The following NKX2-1 variants were observed in gnomAD, a reference collection of about 807,000 sequenced individuals.
NKX2-1 encodes the protein homeobox protein Nkx-2.1.
A neutral mutation model predicts 35.1 loss-of-function variants in NKX2-1; 9 were observed. The ratio of observed to expected loss-of-function variants is 0.26; its 90% confidence interval spans 0.15 to 0.45. The LOEUF is 0.45. Ranked by LOEUF, NKX2-1 falls within the 20% of genes least tolerant of loss-of-function variation. NKX2-1 has a pLI of 1.00. For synonymous variants in NKX2-1, 284 were observed against 269.9 expected (o/e 1.05, Z -0.51); for missense variants, 509 against 589.1 (o/e 0.86, Z 1.41).
In NKX2-1 at chr14:36,517,060, C is replaced by CA. The variant is rs1881053089; in HGVS notation, c.*217_*218insT. On this transcript the variant is annotated 3_prime_UTR_variant, in exon 3 of 3. Coordinates refer to ENST00000354822, the MANE Select transcript of NKX2-1 (RefSeq NM_001079668.3). Reference sequence around the variant, plus strand: ...GATGCGCTTGGTTGTTTTTCATTTTCTTTTTTTAAAAAAAAAAACCCACAA... The same window carrying CA: ...GATGCGCTTGGTTGTTTTTCATTTTCATTTTTTTAAAAAAAAAAACCCACAA... 1.3e-6 allele frequency: 1 copy of CA among 767,864 alleles called. No homozygotes were observed. The highest frequency in any genetic ancestry group is 3.6e-5 in the Admixed American group (1 of 27,612). 47.6% of individuals were successfully genotyped at this position (767,864 alleles called of 1,614,324 possible).
chr14:36,517,117 A>G lies in NKX2-1; in HGVS notation c.*161T>C. On this transcript the variant is annotated 3_prime_UTR_variant, in exon 3 of 3. Coordinates refer to ENST00000354822, the MANE Select transcript of NKX2-1 (RefSeq NM_001079668.3). The stretch of plus-strand genomic sequence containing the variant: ...GGGGGGGAAAAAAAGAAAGACGTCC[A>G]GCAGTTTGGCCTTTGTGGTTTTTTT... 4 of 1,233,770 alleles carry G rather than the reference A, an allele frequency of 3.2e-6. No homozygotes were observed. Among genetic ancestry groups the G allele is most frequent in the Non-Finnish European group, 4.3e-6 (4 of 932,982 alleles). 76.4% of individuals were successfully genotyped at this position (1,233,770 alleles called of 1,614,324 possible).
chr14:36,518,634 C>G (rs1263499534), intron 2 of NKX2-1, among the ~76,000 whole-genome samples: 1 of 152,136 alleles, frequency 6.6e-6, no homozygotes, highest in Non-Finnish European at 1.5e-5. Flanking sequence ...CCTCCTGGCC[C>G]GGTCTAGCCT....
chr14:36,517,042 T>C lies in NKX2-1; in HGVS notation c.*236A>G. 1 of 776,978 alleles carries C rather than the reference T, an allele frequency of 1.3e-6. No homozygotes were observed. Among genetic ancestry groups the C allele is most frequent in the Non-Finnish European group, 1.9e-6 (1 of 513,116 alleles). The allele number at this position is 776,978 out of a possible 1,614,324, so 48.1% of individuals were successfully genotyped here. The stretch of plus-strand genomic sequence containing the variant: ...AAAGATTCCTTGAGATTGGATGCGC[T>C]TGGTTGTTTTTCATTTTCTTTTTTT... On this transcript the variant is annotated 3_prime_UTR_variant, in exon 3 of 3. Transcript: ENST00000354822.
In NKX2-1 at chr14:36,520,114, T is replaced by G; in HGVS notation, c.16A>C (p.Ser6Arg). 1 of 1,613,136 alleles carries G rather than the reference T, an allele frequency of 6.2e-7. No homozygotes were observed. Among genetic ancestry groups the G allele is most frequent in the South Asian group, 1.1e-5 (1 of 91,060 alleles). Residue 6 changes from serine to arginine, a missense_variant, in exon 1 of 3, where the codon AGT (serine) becomes CGT (arginine). This residue lies in a region of NKX2-1 where 271 missense variants were observed against 284.1 expected (regional missense o/e 0.95). Transcript: ENST00000354822. The part of the protein sequence containing the change: MWSGG[S>R]GKARGWEAAA... Reference sequence around the variant, plus strand: ...GCCTCCCAGCCCCGCGCCTTCCCACTGCCTCCGGACCACATCGGGCTTCGC... The same window carrying G: ...GCCTCCCAGCCCCGCGCCTTCCCACGGCCTCCGGACCACATCGGGCTTCGC...
At chr14:36,518,925 G>C (rs1480856278) in intron 2 of NKX2-1, 60 bp downstream of exon 2, 10 of 1,417,294 alleles carry the variant, frequency 7.1e-6, no homozygotes, top group Non-Finnish European at 9.1e-6. Flanking sequence ...CCTTCTGGAC[G>C]GCTCTCGCCG....
At position 36,517,200 on chromosome 14, in the gene NKX2-1, G is replaced by T; in HGVS notation, c.*78C>A. On this transcript the variant is annotated 3_prime_UTR_variant, in exon 3 of 3. Transcript: ENST00000354822. ...GAAAAGTCGAAGCGCGTGGAGCAGCGGTGGATGGTGGTCTGTGTGGCGGGC... is the reference window on the plus strand; with the variant it reads ...GAAAAGTCGAAGCGCGTGGAGCAGCTGTGGATGGTGGTCTGTGTGGCGGGC... 6.4e-7 allele frequency: 1 copy of T among 1,555,538 alleles called. No individual in the cohort carries two copies. The highest frequency in any genetic ancestry group is 2.4e-5 in the East Asian group (1 of 42,208).
chr14:36,518,024 T>A lies in NKX2-1; in HGVS notation c.464-4A>T, dbSNP rs780157161. The A allele has an allele frequency of 1.3e-6, 2 of 1,597,794 alleles. No individual in the cohort carries two copies. On this transcript the variant is annotated splice_polypyrimidine_tract_variant and splice_region_variant and intron_variant, in intron 2 of 2. Transcript: ENST00000354822. ...GCCGGGCCCATGAAGCGGGAGACTGTAAGCGACAAACGCACAGCGTCGGCC... is the reference window on the plus strand; with the variant it reads ...GCCGGGCCCATGAAGCGGGAGACTGAAAGCGACAAACGCACAGCGTCGGCC...
At position 36,519,339 on chromosome 14, in the gene NKX2-1, G is replaced by C; in HGVS notation, c.109C>G (p.His37Asp). The C allele has an allele frequency of 6.2e-7, 1 of 1,613,100 alleles. No homozygotes were observed. Among genetic ancestry groups the C allele is most frequent in the Non-Finnish European group, 8.5e-7 (1 of 1,180,036 alleles). ...TCAGACACTGAGAACGGAGTCGTGT[G>C]CTTTGGACTCATCGACATGATTCGG... ...RRRIMSMSPKHTTPFSVSDIL... is the reference protein window; with the variant it reads ...RRRIMSMSPKDTTPFSVSDIL... Residue 37 changes from histidine (H) to aspartate (D), a missense_variant, in exon 2 of 3, where the codon CAC (histidine) becomes GAC (aspartate). His to Asp is a moderately conservative substitution (Grantham distance 81). This residue lies in a region of NKX2-1 where 271 missense variants were observed against 284.1 expected (regional missense o/e 0.95). Transcript: ENST00000354822.
chr14:36,519,792 A>G, intron 1 of NKX2-1: 1 of 1,407,596 alleles, frequency 7.1e-7, no homozygotes, highest in Non-Finnish European at 9.3e-7. Flanking sequence ...CCCCACCCCC[A>G]TTTTTTGTGG....
Position 36,517,688 on chromosome 14 carries a change from C to A in NKX2-1, c.796G>T (p.Gly266Cys). 1 of 1,568,752 alleles carries A rather than the reference C, an allele frequency of 6.4e-7. No homozygotes were observed. The highest frequency in any genetic ancestry group is 8.6e-7 in the Non-Finnish European group (1 of 1,158,194). ...QQQLQQDSGG[G>C]GGGGGTGCPQ... Reference sequence around the variant, plus strand: ...CACCCGGTGCCCCCGCCGCCCCCGCCGCCGCCGCTGTCCTGCTGCAGTTGC... The same window carrying A: ...CACCCGGTGCCCCCGCCGCCCCCGCAGCCGCCGCTGTCCTGCTGCAGTTGC... The change falls in exon 3 of 3, where the codon GGC becomes TGC. Residue 266 changes from glycine (G) to cysteine (C), a missense_variant. Physicochemically the swap from Gly to Cys is radical, Grantham distance 159. Transcript: ENST00000354822.
rs2139404771 is a variant in NKX2-1 at position 36,517,135 on chromosome 14, G to GT, written c.*142dup. On this transcript the variant is annotated 3_prime_UTR_variant, in exon 3 of 3. Coordinates refer to ENST00000354822, the MANE Select transcript of NKX2-1 (RefSeq NM_001079668.3). ...GACGTCCAGCAGTTTGGCCTTTGTGGTTTTTTTGTTCCTTGGTCTAAACGC... is the reference window on the plus strand; with the variant it reads ...GACGTCCAGCAGTTTGGCCTTTGTGGTTTTTTTTGTTCCTTGGTCTAAACGC... The GT allele has an allele frequency of 9.3e-6, 13 of 1,401,000 alleles. No homozygotes were observed. Among genetic ancestry groups the GT allele is most frequent in the Non-Finnish European group, 1.1e-5 (12 of 1,067,872 alleles). The allele number at this position is 1,401,000 out of a possible 1,614,324, so 86.8% of individuals were successfully genotyped here.
chr14:36,519,650 G>A (rs1194652535), intron 1 of NKX2-1: 12 of 1,525,594 alleles, frequency 7.9e-6, no homozygotes, highest in East Asian at 5.0e-5. Flanking sequence ...CATCTTGCCC[G>A]AGATAATTAG....
chr14:36,520,042 G>C lies in NKX2-1; in HGVS notation c.77+11C>G, dbSNP rs952355601. On this transcript the variant is annotated intron_variant, in intron 1 of 2. Coordinates refer to ENST00000354822, the MANE Select transcript of NKX2-1 (RefSeq NM_001079668.3). ...GGAGGAGGGGGCTGAGGGACAGGGT[G>C]GGGGTTTCACCTGAGCCTGCCGGGG... 6.2e-7 allele frequency: 1 copy of C among 1,613,052 alleles called. No homozygotes were observed. Among genetic ancestry groups the C allele is most frequent in the South Asian group, 1.1e-5 (1 of 91,018 alleles).
At chr14:36,519,543 G>A (rs775530395) in intron 1 of NKX2-1, 173 bp from the exon 2 acceptor site, 4 of 1,525,666 alleles carry the variant, frequency 2.6e-6, no homozygotes, top group Non-Finnish European at 3.5e-6. Context: ...GTGGAGGCTC[G>A]GGGGCTGCCT....
rs200610971 is a variant in NKX2-1, at chr14:36,517,093, G to GGT, written c.*184_*185insAC. 1 of 1,067,290 alleles carries GGT rather than the reference G, an allele frequency of 9.4e-7. No individual in the cohort carries two copies. Among genetic ancestry groups the GGT allele is most frequent in the Non-Finnish European group, 1.3e-6 (1 of 799,972 alleles). 66.1% of individuals were successfully genotyped at this position (1,067,290 alleles called of 1,614,324 possible). ...AAAAAAAAAAACCCACAAATTTTAG[G>GGT]GGGGGAAAAAAAGAAAGACGTCCAG... is the stretch of plus-strand genomic sequence containing the variant. On this transcript the variant is annotated 3_prime_UTR_variant, in exon 3 of 3. Coordinates refer to ENST00000354822, the MANE Select transcript of NKX2-1 (RefSeq NM_001079668.3).
intron 1 of NKX2-1, 54 bp downstream of exon 1, chr14:36,519,999 G>C: frequency 1.2e-6 from 2 of 1,607,536 alleles, no homozygotes; most frequent in Non-Finnish European, 1.7e-6. Flanking sequence ...GGGTTCCCCG[G>C]GCACGGACAG....
At position 36,520,063 on chromosome 14, in the gene NKX2-1, C is replaced by A; in HGVS notation, c.67G>T (p.Gly23Cys). The A allele has an allele frequency of 1.9e-6, 3 of 1,612,898 alleles. No homozygotes were observed. Among genetic ancestry groups the A allele is most frequent in the South Asian group, 2.2e-5 (2 of 91,042 alleles). Reference sequence around the variant, plus strand: ...GGGTGGGGGTTTCACCTGAGCCTGCCGGGGCTGCTCCTCCCTCCCGCCGCG... The same window carrying A: ...GGGTGGGGGTTTCACCTGAGCCTGCAGGGGCTGCTCCTCCCTCCCGCCGCG... ...EAAAGGRSSPGRLSRRRIMSM... is the reference protein window; with the variant it reads ...EAAAGGRSSPCRLSRRRIMSM... Residue 23 changes from glycine to cysteine, a missense_variant, in exon 1 of 3, where the codon GGC becomes TGC. This residue lies in a region of NKX2-1 where 271 missense variants were observed against 284.1 expected (regional missense o/e 0.95). Coordinates refer to ENST00000354822, the MANE Select transcript of NKX2-1 (RefSeq NM_001079668.3).
At chr14:36,518,794 T>C (rs1311431012) in intron 2 of NKX2-1, among the ~76,000 whole-genome samples, 191 bp downstream of exon 2, 1 of 152,116 alleles carries the variant, frequency 6.6e-6, no homozygotes, top group East Asian at 1.9e-4. Flanking sequence ...CGCTACCAAG[T>C]GCCTGTTCTT....
Position 36,517,119 on chromosome 14 carries a change from C to A in NKX2-1, c.*159G>T. ...GGGGGAAAAAAAGAAAGACGTCCAGCAGTTTGGCCTTTGTGGTTTTTTTGT... is the reference window on the plus strand; with the variant it reads ...GGGGGAAAAAAAGAAAGACGTCCAGAAGTTTGGCCTTTGTGGTTTTTTTGT... On this transcript the variant is annotated 3_prime_UTR_variant, in exon 3 of 3. Transcript: ENST00000354822. The A allele has an allele frequency of 7.9e-7, 1 of 1,258,048 alleles. No individual in the cohort carries two copies. Among genetic ancestry groups the A allele is most frequent in the Non-Finnish European group, 1.0e-6 (1 of 957,872 alleles). The allele number at this position is 1,258,048 out of a possible 1,614,324, so 77.9% of individuals were successfully genotyped here.
Sources: allele counts gnomAD v4.1 joint callset (sites outside exome capture counted in the v4.1 genomes callset), GRCh38; gene constraint gnomAD v4.1.1; regional missense constraint gnomAD v4.1.1; transcripts MANE v1.5; gene names NCBI Gene and HGNC (gene_info 2026-07-23, HGNC 2026-07-21).